Variants in TRIM66 observed in about 807,000 individuals in gnomAD.
TRIM66 encodes the protein tripartite motif-containing protein 66.
In TRIM66, 99 loss-of-function variants were observed where a neutral mutation model predicts 148.2. That is an observed-to-expected ratio of 0.67 (90% CI 0.57 to 0.79). The LOEUF (loss-of-function observed/expected upper bound fraction) is 0.79, where lower values mean the gene tolerates loss of function less well. TRIM66 is among the 30% of genes least tolerant of loss of function. TRIM66 has a pLI of 0.00. For synonymous variants in TRIM66, 616 were observed against 635.9 expected (o/e 0.97, Z 0.47); for missense variants, 1,666 against 1,697.9 (o/e 0.98, Z 0.33).
chr11:8,670,074 G>A (rs1169419741), intron 6 of TRIM66, among the ~76,000 whole-genome samples: 1 of 149,280 alleles, frequency 6.7e-6, no homozygotes, highest in Non-Finnish European at 1.5e-5. Flanking sequence ...ATGCAGTGGT[G>A]CGATCTTGGC....
At chr11:8,631,054 C>T (rs2035347785) in intron 15 of TRIM66, among the ~76,000 whole-genome samples, 1 of 152,104 alleles carries the variant, frequency 6.6e-6, no homozygotes, top group Non-Finnish European at 1.5e-5. Context: ...ATGGTATTGT[C>T]AAAATTCAGA....
At position 8,651,795 on chromosome 11, in the gene TRIM66, C is replaced by T; in HGVS notation, c.444+5G>A. Reference sequence around the variant, plus strand: ...TCAGCTGCTTCTTTCCTTGTCCTGACTTACCCTGGCCATCTTGGGTTGCTC... The same window carrying T: ...TCAGCTGCTTCTTTCCTTGTCCTGATTTACCCTGGCCATCTTGGGTTGCTC... On this transcript the variant is annotated splice_donor_5th_base_variant and intron_variant, in intron 7 of 24. Coordinates refer to ENST00000646038, the MANE Select transcript of TRIM66 (RefSeq NM_001388022.1). The T allele has an allele frequency of 6.4e-7, 1 of 1,551,468 alleles. No homozygotes were observed. The highest frequency in any genetic ancestry group is 8.7e-7 in the Non-Finnish European group (1 of 1,146,736).
chr11:8,662,487 C>A (rs941433824), intron 6 of TRIM66, among the ~76,000 whole-genome samples: 1 of 152,180 alleles, frequency 6.6e-6, no homozygotes, highest in East Asian at 1.9e-4. Flanking sequence ...TCACTCTTCA[C>A]TAGCTTCAAG....
intron 3 of TRIM66, among the ~76,000 whole-genome samples, chr11:8,677,481 T>C (rs887902336): frequency 1.3e-5 from 2 of 152,054 alleles, no homozygotes; most frequent in African/African-American, 4.8e-5. Flanking sequence ...ATTCAGTGAG[T>C]AAAAACAGAA....
Position 8,640,629 on chromosome 11 carries a change from C to A in TRIM66, c.1746G>T (p.Gln582His). ...GCTTCAGCTTCTGGTGGTGGCCAAA[C>A]TGGACTTGGATAGAGGGTGTCTGTA... ...PTLQTPSIQV[Q>H]FGHHQKLKLS... The change falls in exon 14 of 25, where the codon CAG (glutamine) becomes CAT (histidine). Residue 582 changes from glutamine (Q) to histidine (H), a missense_variant. Coordinates refer to ENST00000646038, the MANE Select transcript of TRIM66 (RefSeq NM_001388022.1). The A allele has an allele frequency of 1.3e-6, 2 of 1,551,594 alleles. No individual in the cohort carries two copies. Among genetic ancestry groups the A allele is most frequent in the Non-Finnish European group, 1.7e-6 (2 of 1,146,996 alleles).
intron 20 of TRIM66, among the ~76,000 whole-genome samples, 195 bp downstream of exon 20, chr11:8,620,837 C>T (rs781478855): frequency 3.3e-5 from 5 of 152,202 alleles, no homozygotes; most frequent in Non-Finnish European, 5.9e-5. Flanking sequence ...GAAATGAAGT[C>T]AACCAAATGT....
At chr11:8,622,365 C>CACACACACACATAT in intron 18 of TRIM66, among the ~76,000 whole-genome samples, 2 of 59,606 alleles carry the variant, frequency 3.4e-5, no homozygotes, top group African/African-American at 5.6e-5. Context: ...CACACACACA[C>CACACACACACATAT]ATATATATAT....
chr11:8,634,924 C>G lies in TRIM66; in HGVS notation c.2310+3730G>C, dbSNP rs2035746909. ...CCTTCAGATAGATTCTTTTGACTTT[C>G]CTGGCACTCACAGGCCAGCACAGGC... On this transcript the variant is annotated intron_variant, in intron 15 of 24. Coordinates refer to ENST00000646038, the MANE Select transcript of TRIM66 (RefSeq NM_001388022.1). Among the ~76,000 whole-genome samples, 8 of 152,182 alleles carry G rather than the reference C, an allele frequency of 5.3e-5. No individual in the cohort carries two copies. The South Asian group carries it at 1.7e-3, about 31-fold the overall frequency.
rs1395375963 is a variant in TRIM66, at chr11:8,615,629, G to A, written c.*2315C>T. The A allele has an allele frequency of 1.3e-5, 2 of 152,008 alleles. No individual in the cohort carries two copies. Among genetic ancestry groups the A allele is most frequent in the South Asian group, 2.1e-4 (1 of 4,814 alleles). 9.4% of individuals were successfully genotyped at this position (152,008 alleles called of 1,614,324 possible). A position where few individuals can be genotyped will look rare whatever the true frequency, so the allele number is the denominator to read the frequency against. On this transcript the variant is annotated 3_prime_UTR_variant, in exon 25 of 25. Coordinates refer to ENST00000646038, the MANE Select transcript of TRIM66 (RefSeq NM_001388022.1). Reference sequence around the variant, plus strand: ...GTGGCTAGGTCTAAAGGAAAAGCCAGCGAGAGGCAGGTGTGTAAAGGGAGC... The same window carrying A: ...GTGGCTAGGTCTAAAGGAAAAGCCAACGAGAGGCAGGTGTGTAAAGGGAGC...
chr11:8,621,163 G>A lies in TRIM66; in HGVS notation c.3414C>T (p.Gly1138=), dbSNP rs1197786634. The A allele has an allele frequency of 1.9e-6, 3 of 1,551,594 alleles. No homozygotes were observed. The highest frequency in any genetic ancestry group is 2.4e-5 in the South Asian group (2 of 84,066). The change falls in exon 20 of 25, where the codon GGC becomes GGT. Residue 1138 remains glycine (G), a synonymous_variant. Coordinates refer to ENST00000646038, the MANE Select transcript of TRIM66 (RefSeq NM_001388022.1). ...CCTCATTCTCTATTGGGGCTGGGGGGCCCTTCTTGGCTCCTGGGGTTCGAG... is the reference window on the plus strand; with the variant it reads ...CCTCATTCTCTATTGGGGCTGGGGGACCCTTCTTGGCTCCTGGGGTTCGAG... The part of the protein sequence containing the change: ...LIPRTPGAKK[G]PPAPIENEDF...
intron 15 of TRIM66, among the ~76,000 whole-genome samples, chr11:8,627,747 T>C (rs1565489208): frequency 6.6e-6 from 1 of 152,242 alleles, no homozygotes; most frequent in Non-Finnish European, 1.5e-5. Flanking sequence ...TGACTTTGTA[T>C]AGACCTTGCT....
In TRIM66 at chr11:8,638,835, C is replaced by T. The variant is rs1259307603; in HGVS notation, c.2149-20G>A. On this transcript the variant is annotated intron_variant, in intron 14 of 24. Coordinates refer to ENST00000646038, the MANE Select transcript of TRIM66 (RefSeq NM_001388022.1). The stretch of plus-strand genomic sequence containing the variant: ...TGTAGCCTGGAGAAGAAAATAAGAA[C>T]TTGGGTGGGTTTTACTGCAGACAGC... 9.7e-6 allele frequency: 15 copies of T among 1,548,450 alleles called. No individual in the cohort carries two copies. The highest frequency in any genetic ancestry group is 5.5e-5 in the African/African-American group (4 of 72,716).
chr11:8,647,449 G>A (rs115048647), intron 10 of TRIM66, among the ~76,000 whole-genome samples: 3 of 148,026 alleles, frequency 2.0e-5, no homozygotes, highest in Non-Finnish European at 4.5e-5. Context: ...CTGAAAGAAT[G>A]GCAAGAACTG....
At chr11:8,682,876 C>T, upstream of TRIM66, 1 of 1,563,672 alleles carries the variant, frequency 6.4e-7, no homozygotes, top group East Asian at 2.3e-5. Context: ...AGCTGTATTC[C>T]CATTGCCCCT....
At position 8,620,590 on chromosome 11, in the gene TRIM66, G is replaced by C. The variant is rs915131422; in HGVS notation, c.3546-18C>G. 1 of 1,550,952 alleles carries C rather than the reference G, an allele frequency of 6.4e-7. No homozygotes were observed. The highest frequency in any genetic ancestry group is 8.7e-7 in the Non-Finnish European group (1 of 1,146,666). ...ACTCTCCCCTGCAGGGGCAGGTGAG[G>C]CCATGTTAGGCCTCAGCACATTGCC... On this transcript the variant is annotated intron_variant, in intron 20 of 24. Coordinates refer to ENST00000646038, the MANE Select transcript of TRIM66 (RefSeq NM_001388022.1).
chr11:8,645,361 CCTT>C (rs1379536148), intron 12 of TRIM66, among the ~76,000 whole-genome samples: 5 of 152,188 alleles, frequency 3.3e-5, no homozygotes, highest in Non-Finnish European at 7.3e-5. Context: ...ATCTCCAACT[CCTT>C]TTCTCTCAGA....
intron 6 of TRIM66, among the ~76,000 whole-genome samples, chr11:8,653,614 A>G (rs1425256599): frequency 6.6e-6 from 1 of 152,176 alleles, no homozygotes; most frequent in Non-Finnish European, 1.5e-5. Flanking sequence ...TTACCCAGAG[A>G]ATCCCAGCCC....
rs1592208472 is a variant in TRIM66, at chr11:8,672,085, G to A, written c.41C>T (p.Ala14Val). 2 of 1,533,316 alleles carry A rather than the reference G, an allele frequency of 1.3e-6. No homozygotes were observed. The highest frequency in any genetic ancestry group is 4.9e-5 in the East Asian group (2 of 40,862). 95.0% of individuals were successfully genotyped at this position (1,533,316 alleles called of 1,614,324 possible). A position where few individuals can be genotyped will look rare whatever the true frequency, so the allele number is the denominator to read the frequency against. Residue 14 changes from alanine to valine, a missense_variant, in exon 6 of 25, where the codon GCT becomes GTT. Physicochemically the swap from Ala to Val is moderately conservative, Grantham distance 64. Coordinates refer to ENST00000646038, the MANE Select transcript of TRIM66 (RefSeq NM_001388022.1). ...LSFWSQGVEL[A>V]RSTRCFSPED... ...AGGTGAGAAGCAGCGTGTAGAGCGAGCCAGCTCCACTCCCTGTAAGTGAAG... is the reference window on the plus strand; with the variant it reads ...AGGTGAGAAGCAGCGTGTAGAGCGAACCAGCTCCACTCCCTGTAAGTGAAG...
At chr11:8,673,181 G>A (rs1565578189) in intron 4 of TRIM66, among the ~76,000 whole-genome samples, 1 of 151,678 alleles carries the variant, frequency 6.6e-6, no homozygotes, top group Non-Finnish European at 1.5e-5. Flanking sequence ...ACCCGCCTCG[G>A]CCTCCCAAAG....
Sources: allele counts gnomAD v4.1 joint callset (sites outside exome capture counted in the v4.1 genomes callset), GRCh38; gene constraint gnomAD v4.1.1; transcripts MANE v1.5; gene names NCBI Gene and HGNC (gene_info 2026-07-23, HGNC 2026-07-21).